Variants in CCNH observed in about 807,000 individuals in gnomAD.
CCNH encodes cyclin H, also known as cyclin-H.
In CCNH, 31 loss-of-function variants were observed where a neutral mutation model predicts 41.9. The observed-to-expected ratio is 0.74, with a 90% CI of 0.56 to 1.00. The LOEUF is 1.00. CCNH is among the 50% of genes least tolerant of loss of function. The pLI is 0.00. For synonymous variants in CCNH, 138 were observed against 136.1 expected (o/e 1.01, Z -0.10); for missense variants, 362 against 388.4 (o/e 0.93, Z 0.57).
At chr5:87,382,693 AATC>A (rs1761802833) in intron 9 of CCNH, among the ~76,000 whole-genome samples, 1 of 152,172 alleles carries the variant, frequency 6.6e-6, no homozygotes, top group Non-Finnish European at 1.5e-5. Context: ...TAGCAGATAA[AATC>A]ATATATGACA....
At chr5:87,394,734 GA>G in intron 8 of CCNH, 1 of 1,326,122 alleles carries the variant, frequency 7.5e-7, no homozygotes, top group Admixed American at 3.7e-5. Context: ...TTGACAGATA[GA>G]AAATTTTTTT....
intron 9 of CCNH, among the ~76,000 whole-genome samples, chr5:87,336,721 G>A (rs541251798): frequency 5.3e-5 from 8 of 151,966 alleles, no homozygotes; most frequent in Non-Finnish European, 1.2e-4. Context: ...CAGTTCATGT[G>A]CACCCTCCTT....
At chr5:87,379,841 T>A, upstream of CCNH, 1 of 1,612,438 alleles carries the variant, frequency 6.2e-7, no homozygotes. Flanking sequence ...GCTTCAGAAA[T>A]ACTTCCACCG....
At chr5:87,323,430 C>A (rs1756972418) in intron 9 of CCNH, among the ~76,000 whole-genome samples, 1 of 152,204 alleles carries the variant, frequency 6.6e-6, no homozygotes, top group African/African-American at 2.4e-5. Flanking sequence ...TGGATAATGC[C>A]TGTTCCCCTG....
Position 87,376,923 on chromosome 5 carries a change from C to T in CCNH, n.258G>A. The T allele has an allele frequency of 6.2e-7, 1 of 1,610,438 alleles. No homozygotes were observed. ...ACTTCATGTAGTCTATGCTTTATCA[C>T]ATGTATGTGGACAAGACCGAACACT... On this transcript the variant is annotated non_coding_transcript_exon_variant, in exon 1 of 1. Coordinates refer to the CCNH transcript ENST00000607486.
chr5:87,370,494 C>G (rs79487142), intron 9 of CCNH, among the ~76,000 whole-genome samples: 1,817 of 152,250 alleles, frequency 0.012, 28 homozygotes, highest in African/African-American at 0.041. Context: ...GAACCCACCT[C>G]TATAACAAAA....
At position 87,376,583 on chromosome 5, in the gene CCNH, A is replaced by C; in HGVS notation, n.598T>G. 1 of 1,607,774 alleles carries C rather than the reference A, an allele frequency of 6.2e-7. No homozygotes were observed. The highest frequency in any genetic ancestry group is 2.2e-5 in the East Asian group (1 of 44,710). On this transcript the variant is annotated non_coding_transcript_exon_variant, in exon 1 of 1. Transcript: ENST00000607486. ...TTAAAGAGGTATTAAATTATTTATCAGTCTTGTTTTTGTTGGAATTAACAG... is the reference window on the plus strand; with the variant it reads ...TTAAAGAGGTATTAAATTATTTATCCGTCTTGTTTTTGTTGGAATTAACAG...
intron 9 of CCNH, among the ~76,000 whole-genome samples, chr5:87,345,875 C>T (rs1171617094): frequency 6.6e-6 from 1 of 152,006 alleles, no homozygotes; most frequent in East Asian, 1.9e-4. Flanking sequence ...GTCAGCCTGG[C>T]ATTAAGATGT....
chr5:87,399,311 GCAAACAC>G (rs2112556140), intron 7 of CCNH, 76 bp downstream of exon 7: 1 of 981,036 alleles, frequency 1.0e-6, no homozygotes, highest in Non-Finnish European at 1.6e-6. Flanking sequence ...CCTCTAATGA[GCAAACAC>G]CAATAAAATG....
At chr5:87,328,827 T>C (rs997957518) in intron 9 of CCNH, among the ~76,000 whole-genome samples, 1 of 152,172 alleles carries the variant, frequency 6.6e-6, no homozygotes, top group South Asian at 2.1e-4. Flanking sequence ...GTTTAAAGGT[T>C]ATATAGTATT....
At chr5:87,322,638 C>T (rs1362412981) in intron 9 of CCNH, among the ~76,000 whole-genome samples, 2 of 152,162 alleles carry the variant, frequency 1.3e-5, no homozygotes, top group Admixed American at 6.5e-5. Context: ...AAAGCAGATT[C>T]CAGCACCATG....
Position 87,412,897 on chromosome 5 carries a change from C to T in CCNH, c.-103G>A. ...ACCCCCACCGAAGATCTCGCGGAAG[C>T]CTAGGGCGTCCGGCTAGCCGGCGCT... On this transcript the variant is annotated 5_prime_UTR_variant, in exon 1 of 9. Transcript: ENST00000256897. The T allele has an allele frequency of 6.6e-7, 1 of 1,509,618 alleles. No homozygotes were observed. Among genetic ancestry groups the T allele is most frequent in the South Asian group, 1.3e-5 (1 of 79,290 alleles). 93.5% of individuals were successfully genotyped at this position (1,509,618 alleles called of 1,614,324 possible). A position where few individuals can be genotyped will look rare whatever the true frequency, so the allele number is the denominator to read the frequency against.
At chr5:87,389,463 A>G, downstream of CCNH, 1 of 1,614,204 alleles carries the variant, frequency 6.2e-7, no homozygotes, top group Non-Finnish European at 8.5e-7. Context: ...GCAGCATTGC[A>G]TGAGATTTGC....
chr5:87,331,058 T>G, intron 9 of CCNH: 2 of 1,181,190 alleles, frequency 1.7e-6, no homozygotes, highest in Non-Finnish European at 2.3e-6. Flanking sequence ...AGTGTTTATA[T>G]TTTGAATAGC....
downstream of CCNH, chr5:87,392,189 G>A (rs1169353800): frequency 2.2e-6 from 1 of 447,840 alleles, no homozygotes; most frequent in African/African-American, 2.0e-5. Flanking sequence ...AGGAACCCAA[G>A]GAGGTGTTCC....
chr5:87,313,192 C>T, the CCNH span, among the ~76,000 whole-genome samples: 1 of 152,126 alleles, frequency 6.6e-6, no homozygotes, highest in Admixed American at 6.5e-5. Flanking sequence ...GATCAAATGG[C>T]ATTTTATACT....
intron 5 of CCNH, among the ~76,000 whole-genome samples, chr5:87,403,090 T>A (rs1473958944): frequency 6.6e-6 from 1 of 152,194 alleles, no homozygotes; most frequent in African/African-American, 2.4e-5. Flanking sequence ...TCTGAGGCAT[T>A]ATCCAGACTA....
At chr5:87,384,080 A>C (rs192407227) in intron 9 of CCNH, among the ~76,000 whole-genome samples, 19 of 152,128 alleles carry the variant, frequency 1.2e-4, no homozygotes, top group Admixed American at 5.9e-4. Context: ...TGTAGTCTGC[A>C]GCTTGGCTTT....
chr5:87,317,252 T>C (rs1362051202), downstream of CCNH, among the ~76,000 whole-genome samples: 1 of 152,190 alleles, frequency 6.6e-6, no homozygotes. Flanking sequence ...GTCCTTTTGT[T>C]TGTGCGTTCC....
Sources: allele counts gnomAD v4.1 joint callset (sites outside exome capture counted in the v4.1 genomes callset), GRCh38; gene constraint gnomAD v4.1.1; transcripts MANE v1.5; gene names NCBI Gene and HGNC (gene_info 2026-07-23, HGNC 2026-07-21).